The following KCNH8 variants were observed in gnomAD, a reference collection of about 807,000 sequenced individuals.
The protein encoded by KCNH8 is potassium voltage-gated channel subfamily H member 8, also known as voltage-gated delayed rectifier potassium channel KCNH8.
A neutral mutation model predicts 103.6 loss-of-function variants in KCNH8; 70 were observed. The observed-to-expected ratio is 0.68, with a 90% confidence interval of 0.56 to 0.82. The LOEUF (loss-of-function observed/expected upper bound fraction) is 0.82. Ranked by LOEUF, KCNH8 falls within the 40% of genes least tolerant of loss-of-function variation. The pLI is 0.00. For synonymous variants in KCNH8, 498 were observed against 489.4 expected, an observed-to-expected ratio of 1.02 and a Z score of -0.23; for missense variants, 1,217 against 1,329.9, an observed-to-expected ratio of 0.92 and a Z score of 1.32.
chr3:19,506,785 G>C (rs2068701559), intron 11 of KCNH8, among the ~76,000 whole-genome samples: 1 of 152,134 alleles, frequency 6.6e-6, no homozygotes, highest in Non-Finnish European at 1.5e-5. Flanking sequence ...CTACCAATCA[G>C]TATAATCAGC....
chr3:19,257,927 G>T (rs1322800093), intron 2 of KCNH8, among the ~76,000 whole-genome samples: 2 of 151,956 alleles, frequency 1.3e-5, no homozygotes, highest in East Asian at 3.9e-4. Context: ...CTGGTGGTTT[G>T]CTGGAAACCT....
At chr3:19,271,131 T>C (rs2064581830) in intron 2 of KCNH8, among the ~76,000 whole-genome samples, 1 of 152,142 alleles carries the variant, frequency 6.6e-6, no homozygotes, top group Non-Finnish European at 1.5e-5. Context: ...CCTTTGGTAA[T>C]TTCTTTTAAC....
chr3:19,326,700 G>A (rs9868866), intron 3 of KCNH8, among the ~76,000 whole-genome samples: 66,961 of 151,968 alleles, frequency 0.44, 16,342 homozygotes, highest in African/African-American at 0.67. Flanking sequence ...TGCTATGCCT[G>A]TATTTTCCTG....
chr3:19,293,601 G>A (rs112216338), intron 3 of KCNH8, among the ~76,000 whole-genome samples: 198 of 152,244 alleles, frequency 1.3e-3, no homozygotes, highest in African/African-American at 4.4e-3. Context: ...TTCTTAGAAG[G>A]CTTCCCCAAC....
chr3:19,229,903 C>T (rs1162276568), intron 1 of KCNH8, among the ~76,000 whole-genome samples: 2 of 152,120 alleles, frequency 1.3e-5, no homozygotes, highest in Admixed American at 1.3e-4. Flanking sequence ...CTACTGGTAC[C>T]AATTTACTGT....
chr3:19,373,317 G>A (rs1379408190), intron 5 of KCNH8, among the ~76,000 whole-genome samples: 7 of 152,000 alleles, frequency 4.6e-5, no homozygotes, highest in Non-Finnish European at 7.4e-5. Context: ...CAGAGATTCA[G>A]CTTCTTCCTG....
rs537264996 is a variant in KCNH8, at chr3:19,291,075, G to C, written c.442+9746G>C. 2.8e-3 allele frequency among the ~76,000 whole-genome samples: 429 copies of C among 152,144 alleles called. 2 individuals carry two copies. The highest frequency in any genetic ancestry group is 9.9e-3 in the African/African-American group (412 of 41,496). On this transcript the variant is annotated intron_variant, in intron 3 of 15. Transcript: ENST00000328405. ...TCTGATGGTAGTTTGTATTTCTGTG[G>C]GATTGGTGGTGATATCCCCTTTATC...
intron 3 of KCNH8, among the ~76,000 whole-genome samples, chr3:19,297,078 C>T (rs752575086): frequency 1.3e-5 from 2 of 152,104 alleles, no homozygotes; most frequent in African/African-American, 2.4e-5. Flanking sequence ...GAGATAGACA[C>T]TTGAGAGTAT....
chr3:19,423,135 G>A (rs769789494), intron 7 of KCNH8, among the ~76,000 whole-genome samples: 5 of 152,102 alleles, frequency 3.3e-5, no homozygotes, highest in Non-Finnish European at 7.4e-5. Flanking sequence ...AGACTGAAAA[G>A]CTTCTCTCAT....
chr3:19,384,417 G>T (rs913457639), intron 5 of KCNH8, among the ~76,000 whole-genome samples: 1 of 152,084 alleles, frequency 6.6e-6, no homozygotes, highest in African/African-American at 2.4e-5. Context: ...AAGCTGAAAG[G>T]TATAGCTATG....
chr3:19,294,310 A>T (rs7636919), intron 3 of KCNH8, among the ~76,000 whole-genome samples: 17,119 of 152,182 alleles, frequency 0.11, 2,991 homozygotes, highest in African/African-American at 0.37. Flanking sequence ...ACGGTGATTG[A>T]TATGTACTTC....
At chr3:19,175,289 T>TCGGCTCCCTGCAAGCTC (rs1460772345) in intron 1 of KCNH8, among the ~76,000 whole-genome samples, 1 of 150,722 alleles carries the variant, frequency 6.6e-6, no homozygotes. Flanking sequence ...TGGCGCGATC[T>TCGGCTCCCTGCAAGCTC]CGGCTCCCTG....
intron 3 of KCNH8, among the ~76,000 whole-genome samples, chr3:19,287,891 C>T (rs544753031): frequency 3.9e-5 from 6 of 152,170 alleles, no homozygotes; most frequent in African/African-American, 1.2e-4. Context: ...GCCCCACATT[C>T]GACTTTCTAA....
In KCNH8 at chr3:19,390,517, A is replaced by C; in HGVS notation, c.848A>C (p.Lys283Thr). 1 of 1,613,104 alleles carries C rather than the reference A, an allele frequency of 6.2e-7. No homozygotes were observed. The highest frequency in any genetic ancestry group is 8.5e-7 in the Non-Finnish European group (1 of 1,179,364). ...AATTTCCGAACAACTTATGTCAGCA[A>C]GTCTGGCCAAGTTATCTTTGAAGCA... Reference protein sequence around the residue: ...ILNFRTTYVSKSGQVIFEARS... With the variant: ...ILNFRTTYVSTSGQVIFEARS... Residue 283 changes from lysine (K) to threonine (T), a missense_variant, in exon 6 of 16, where the codon AAG becomes ACG. By Grantham distance (78) the Lys-to-Thr change is moderately conservative. Around this residue, in one of 3 missense-constraint regions of KCNH8, gnomAD observed 415 missense variants for 577.4 expected, o/e 0.72. Transcript: ENST00000328405.
chr3:19,369,125 T>C (rs1243002744), intron 5 of KCNH8, among the ~76,000 whole-genome samples: 2 of 152,040 alleles, frequency 1.3e-5, no homozygotes, highest in African/African-American at 4.8e-5. Flanking sequence ...GGAAATTAGG[T>C]ATAAACATAT....
At chr3:19,358,251 TTCTC>T (rs1235851524) in intron 5 of KCNH8, among the ~76,000 whole-genome samples, 1 of 145,534 alleles carries the variant, frequency 6.9e-6, no homozygotes. Context: ...CTTTCTTTCT[TTCTC>T]TCTCTCTTTT....
intron 1 of KCNH8, among the ~76,000 whole-genome samples, chr3:19,242,761 C>T (rs2064158534): frequency 6.6e-6 from 1 of 152,156 alleles, no homozygotes; most frequent in South Asian, 2.1e-4. Context: ...GGAGGTTCTG[C>T]TTCAGTAGAC....
intron 7 of KCNH8, among the ~76,000 whole-genome samples, chr3:19,430,160 G>A (rs1169733121): frequency 1.3e-5 from 2 of 152,232 alleles, no homozygotes; most frequent in East Asian, 1.9e-4. Context: ...GTAAGGAAGC[G>A]GTACCATTTC....
intron 2 of KCNH8, among the ~76,000 whole-genome samples, chr3:19,269,628 C>CT (rs2064560270): frequency 6.6e-6 from 1 of 152,020 alleles, no homozygotes; most frequent in African/African-American, 2.4e-5. Flanking sequence ...TGATCTGACT[C>CT]TGTGTAGACT....
Sources: gnomAD v4.1 joint callset for allele counts (sites outside exome capture counted in the v4.1 genomes callset) on GRCh38, gnomAD v4.1.1 for gene constraint, gnomAD v4.1.1 regional missense constraint, MANE v1.5 for transcripts, NCBI Gene and HGNC (gene_info 2026-07-23, HGNC 2026-07-21) for gene names.